The following DOCK5 variants were observed in gnomAD, a reference collection of about 807,000 sequenced individuals.
DOCK5 encodes the protein dedicator of cytokinesis protein 5.
Under a neutral mutation model 251.8 loss-of-function variants are expected in DOCK5, and 142 were observed. The ratio of observed to expected loss-of-function variants is 0.56; its 90% CI spans 0.49 to 0.65. The LOEUF (loss-of-function observed/expected upper bound fraction) is 0.65, where lower values mean the gene tolerates loss of function less well. Among genes scored for constraint, DOCK5 ranks in the 30% least tolerant of loss-of-function variants. The pLI is 0.00. For synonymous variants in DOCK5, 842 were observed against 835.5 expected (o/e 1.01, Z -0.13); for missense variants, 2,111 against 2,312.3 (o/e 0.91, Z 1.79).
intron 18 of DOCK5, among the ~76,000 whole-genome samples, chr8:25,326,558 G>T (rs751356811): frequency 1.1e-4 from 16 of 152,142 alleles, no homozygotes; most frequent in Non-Finnish European, 1.9e-4. Context: ...CATAAAAGAC[G>T]TGACAAAACC....
chr8:25,214,013 G>C (rs57544736), intron 1 of DOCK5, among the ~76,000 whole-genome samples: 4,601 of 152,210 alleles, frequency 0.03, 89 homozygotes, highest in South Asian at 0.042. Context: ...AAAATTCATT[G>C]GTTTCATATA....
chr8:25,229,374 C>T (rs2117516210), intron 1 of DOCK5, among the ~76,000 whole-genome samples: 1 of 152,102 alleles, frequency 6.6e-6, no homozygotes, highest in East Asian at 1.9e-4. Context: ...CCCAGATACT[C>T]TGGAGGTGAG....
chr8:25,187,902 A>G (rs1801473698), intron 1 of DOCK5, among the ~76,000 whole-genome samples: 2 of 151,746 alleles, frequency 1.3e-5, no homozygotes, highest in African/African-American at 2.4e-5. Flanking sequence ...CCCTTCTTCA[A>G]ATTTGCTATT....
At chr8:25,337,530 T>C (rs1310532970) in intron 22 of DOCK5, among the ~76,000 whole-genome samples, 1 of 151,824 alleles carries the variant, frequency 6.6e-6, no homozygotes, top group African/African-American at 2.4e-5. Flanking sequence ...AGTATGTACA[T>C]TCAGTCATTT....
chr8:25,315,899 G>A (rs115809442), intron 13 of DOCK5, among the ~76,000 whole-genome samples: 35 of 152,280 alleles, frequency 2.3e-4, no homozygotes, highest in African/African-American at 8.2e-4. Flanking sequence ...ATGCACTCCT[G>A]TTTTCTTATA....
chr8:25,222,439 C>T (rs751680999), intron 1 of DOCK5, among the ~76,000 whole-genome samples: 21 of 152,168 alleles, frequency 1.4e-4, no homozygotes, highest in East Asian at 3.9e-4. Flanking sequence ...TGGCCTGAAC[C>T]GGCCCCTGAC....
At chr8:25,275,202 A>C (rs113052942) in intron 3 of DOCK5, among the ~76,000 whole-genome samples, 184 bp from the exon 4 acceptor site, 5 of 152,228 alleles carry the variant, frequency 3.3e-5, no homozygotes, top group African/African-American at 9.6e-5. Flanking sequence ...TACCTTTTTG[A>C]TGTTTCCACC....
chr8:25,410,238 G>T, intron 51 of DOCK5, 36 bp downstream of exon 51: 1 of 1,578,774 alleles, frequency 6.3e-7, no homozygotes, highest in Admixed American at 1.7e-5. Context: ...TGGCCAGGGA[G>T]CGCCACTCCT....
At chr8:25,360,961 A>G (rs1188034856) in intron 28 of DOCK5, among the ~76,000 whole-genome samples, 1 of 152,130 alleles carries the variant, frequency 6.6e-6, no homozygotes, top group Non-Finnish European at 1.5e-5. Flanking sequence ...TATCCTCACG[A>G]GGGAACTAAG....
intron 1 of DOCK5, among the ~76,000 whole-genome samples, chr8:25,242,045 C>T (rs993887854): frequency 6.6e-6 from 1 of 152,050 alleles, no homozygotes; most frequent in Non-Finnish European, 1.5e-5. Flanking sequence ...GAAGAAATAC[C>T]TAATGTAGAT....
intron 1 of DOCK5, among the ~76,000 whole-genome samples, chr8:25,207,744 G>T (rs7842067): frequency 0.63 from 95,423 of 152,068 alleles, 32,587 homozygotes; most frequent in Non-Finnish European, 0.76. Flanking sequence ...GATGGAGATG[G>T]ACAAGGAGAT....
chr8:25,361,562 C>A (rs969732817), intron 28 of DOCK5, among the ~76,000 whole-genome samples: 1 of 152,074 alleles, frequency 6.6e-6, no homozygotes, highest in Non-Finnish European at 1.5e-5. Flanking sequence ...TGCAGTAAGT[C>A]GAGATTGTGC....
At chr8:25,271,563 A>G (rs1356287370) in intron 3 of DOCK5, among the ~76,000 whole-genome samples, 1 of 152,234 alleles carries the variant, frequency 6.6e-6, no homozygotes, top group Non-Finnish European at 1.5e-5. Context: ...GGTGTCATTT[A>G]TAAGCTGACC....
At chr8:25,376,269 A>G in intron 37 of DOCK5, 9 of 985,284 alleles carry the variant, frequency 9.1e-6, no homozygotes, top group Non-Finnish European at 9.6e-6. Context: ...CTGGTGTAAG[A>G]TATGAGGTAT....
chr8:25,350,499 C>T lies in DOCK5; in HGVS notation c.2755-1232C>T, dbSNP rs115345057. On this transcript the variant is annotated intron_variant, in intron 26 of 51. Coordinates refer to ENST00000276440, the MANE Select transcript of DOCK5 (RefSeq NM_024940.8). ...GCAGCTATGAAAACTGCAAGCTCAG[C>T]GAAGTTGAATAATTGCTCAAAGTCA... Among the ~76,000 whole-genome samples, 851 of 152,240 alleles carry T rather than the reference C, an allele frequency of 5.6e-3. 10 individuals are homozygous for T. The highest frequency in any genetic ancestry group is 0.019 in the African/African-American group (802 of 41,528).
At chr8:25,233,646 G>A (rs531607079) in intron 1 of DOCK5, among the ~76,000 whole-genome samples, 3 of 152,202 alleles carry the variant, frequency 2.0e-5, no homozygotes, top group African/African-American at 7.2e-5. Context: ...GTAGTTTTTT[G>A]GCCACATTAT....
chr8:25,409,807 C>G, intron 50 of DOCK5: 1 of 206,100 alleles, frequency 4.9e-6, no homozygotes, highest in South Asian at 8.2e-5. Flanking sequence ...GATCGCGCCA[C>G]TGCACTCCAG....
At chr8:25,364,918 TAA>T in intron 30 of DOCK5, 1 of 390,932 alleles carries the variant, frequency 2.6e-6, no homozygotes, top group Non-Finnish European at 4.6e-6. Flanking sequence ...GTAACATATG[TAA>T]AAAAAAAATC....
chr8:25,316,851 A>T (rs1805264679), intron 13 of DOCK5, among the ~76,000 whole-genome samples, 156 bp from the exon 14 acceptor site: 3 of 152,222 alleles, frequency 2.0e-5, no homozygotes, highest in Admixed American at 1.3e-4. Flanking sequence ...TGATAAGCTG[A>T]AGACAGCAAA....
Sources: allele counts gnomAD v4.1 joint callset (sites outside exome capture counted in the v4.1 genomes callset), GRCh38; gene constraint gnomAD v4.1.1; transcripts MANE v1.5; gene names NCBI Gene and HGNC (gene_info 2026-07-23, HGNC 2026-07-21).